CDKAL1: variants seen among roughly 807,000 people sequenced by gnomAD.
CDKAL1 encodes threonylcarbamoyladenosine tRNA methylthiotransferase.
A neutral mutation model predicts 68.2 loss-of-function variants in CDKAL1; 32 were observed. The ratio of observed to expected loss-of-function variants is 0.47; its 90% CI spans 0.35 to 0.63. The LOEUF (loss-of-function observed/expected upper bound fraction) is 0.63, where lower values mean the gene tolerates loss of function less well. CDKAL1 is among the 30% of genes least tolerant of loss of function. The pLI is 0.00. For synonymous variants in CDKAL1, 234 were observed against 244.3 expected, an observed-to-expected ratio of 0.96 and a Z score of 0.39; for missense variants, 606 against 696.7, an observed-to-expected ratio of 0.87 and a Z score of 1.47.
chr6:20,786,534 G>A (rs1581579539), intron 8 of CDKAL1, among the ~76,000 whole-genome samples: 1 of 113,662 alleles, frequency 8.8e-6, no homozygotes, highest in East Asian at 2.7e-4. Flanking sequence ...GTCTCGCTCT[G>A]TCACCCAGGC....
chr6:21,019,952 C>G (rs1480201948), intron 11 of CDKAL1, among the ~76,000 whole-genome samples: 2 of 151,524 alleles, frequency 1.3e-5, no homozygotes, highest in Non-Finnish European at 2.9e-5. Context: ...CTTTGTTATC[C>G]AATAAGTATT....
chr6:21,151,899 G>A (rs541413865), intron 13 of CDKAL1, among the ~76,000 whole-genome samples: 109 of 152,110 alleles, frequency 7.2e-4, no homozygotes, highest in Middle Eastern at 6.8e-3. Flanking sequence ...TCTCCCTGGC[G>A]TGCGGCCTCC....
chr6:20,598,501 C>A (rs971925255), intron 4 of CDKAL1, among the ~76,000 whole-genome samples: 4 of 152,156 alleles, frequency 2.6e-5, no homozygotes, highest in Non-Finnish European at 4.4e-5. Flanking sequence ...ACATATCTGA[C>A]ACATCTTGCT....
chr6:20,977,570 T>C (rs945726259), intron 10 of CDKAL1, among the ~76,000 whole-genome samples: 8 of 152,174 alleles, frequency 5.3e-5, no homozygotes, highest in Non-Finnish European at 1.2e-4. Flanking sequence ...ATTCTATGAT[T>C]TTTAAAAAAT....
intron 12 of CDKAL1, among the ~76,000 whole-genome samples, chr6:21,098,624 A>G (rs1442217090): frequency 6.8e-6 from 1 of 147,222 alleles, no homozygotes; most frequent in Non-Finnish European, 1.5e-5. Context: ...TATCCAGATG[A>G]CCAAGACATG....
chr6:20,860,253 A>G lies in CDKAL1; in HGVS notation c.742+14075A>G, dbSNP rs12524318. Among the ~76,000 whole-genome samples the G allele has an allele frequency of 9.6e-3, 1,451 of 151,682 alleles. 34 individuals are homozygous for G. Among genetic ancestry groups the G allele is most frequent in the East Asian group, 0.093 (471 of 5,068 alleles). ...CCACCACGCCTGGCTAATTTTTTGTATTTTTAGTAGTGATGGGGTTTCACC... is the reference window on the plus strand; with the variant it reads ...CCACCACGCCTGGCTAATTTTTTGTGTTTTTAGTAGTGATGGGGTTTCACC... On this transcript the variant is annotated intron_variant, in intron 9 of 15. Transcript: ENST00000274695.
intron 8 of CDKAL1, among the ~76,000 whole-genome samples, chr6:20,819,158 AC>A (rs1777171368): frequency 6.6e-6 from 1 of 152,038 alleles, no homozygotes; most frequent in African/African-American, 2.4e-5. Flanking sequence ...CAATTGCAAA[AC>A]TTTGATTTAA....
intron 6 of CDKAL1, among the ~76,000 whole-genome samples, chr6:20,750,950 TGAAAAAAAA>T (rs1773891260): frequency 2.1e-5 from 1 of 46,682 alleles, no homozygotes; most frequent in East Asian, 7.7e-4. Flanking sequence ...AGCAACAGAG[TGAAAAAAAA>T]AAAAAAAAAA....
chr6:20,670,664 A>T (rs1019863983), intron 5 of CDKAL1, among the ~76,000 whole-genome samples: 1 of 152,174 alleles, frequency 6.6e-6, no homozygotes, highest in Non-Finnish European at 1.5e-5. Flanking sequence ...TCAATTATTT[A>T]TGTCAGTGTA....
intron 15 of CDKAL1, among the ~76,000 whole-genome samples, chr6:21,210,529 A>G (rs62404547): frequency 0.19 from 28,871 of 152,196 alleles, 2,922 homozygotes; most frequent in African/African-American, 0.22. Context: ...TAGATTTCCC[A>G]GCTTCTAAAA....
intron 9 of CDKAL1, among the ~76,000 whole-genome samples, chr6:20,848,872 A>C (rs1157591457): frequency 6.6e-6 from 1 of 150,870 alleles, no homozygotes; most frequent in Non-Finnish European, 1.5e-5. Context: ...AGCTTACTGC[A>C]GCTTCAAACT....
At chr6:20,660,123 C>T (rs1219255788) in intron 5 of CDKAL1, among the ~76,000 whole-genome samples, 1 of 152,262 alleles carries the variant, frequency 6.6e-6, no homozygotes. Context: ...GGGGTCATCG[C>T]CCTTCTAAGC....
At chr6:20,559,553 G>A (rs1764189452) in intron 4 of CDKAL1, 1 of 151,960 alleles carries the variant, frequency 6.6e-6, no homozygotes. Flanking sequence ...TCAACCTTTG[G>A]CCTGACCTTT....
intron 4 of CDKAL1, among the ~76,000 whole-genome samples, chr6:20,584,218 G>A (rs1425655891): frequency 6.6e-6 from 1 of 151,896 alleles, no homozygotes; most frequent in Admixed American, 6.6e-5. Flanking sequence ...TGTAAATAGG[G>A]GTCTGTGGTG....
chr6:20,607,611 C>CTATT (rs1254291896), intron 4 of CDKAL1, among the ~76,000 whole-genome samples: 3 of 151,558 alleles, frequency 2.0e-5, no homozygotes, highest in African/African-American at 4.8e-5. Flanking sequence ...GTCAGTTCCT[C>CTATT]TATTTATTTA....
chr6:20,581,676 G>A (rs954302109), intron 4 of CDKAL1, among the ~76,000 whole-genome samples: 1 of 152,122 alleles, frequency 6.6e-6, no homozygotes, highest in Non-Finnish European at 1.5e-5. Context: ...AGCAGTTTGA[G>A]ATTAACAGCC....
At chr6:20,633,374 T>C (rs1425527617) in intron 4 of CDKAL1, among the ~76,000 whole-genome samples, 2 of 152,254 alleles carry the variant, frequency 1.3e-5, no homozygotes, top group Non-Finnish European at 2.9e-5. Flanking sequence ...ACTTCATTTC[T>C]TTTGATTGCT....
At chr6:21,028,006 A>G (rs188602149) in intron 11 of CDKAL1, among the ~76,000 whole-genome samples, 3 of 152,296 alleles carry the variant, frequency 2.0e-5, no homozygotes, top group Admixed American at 6.5e-5. Context: ...AGGGTGGACT[A>G]AACACAGGAA....
chr6:21,006,923 G>T lies in CDKAL1; in HGVS notation c.1055+6551G>T, dbSNP rs1582013555. The stretch of plus-strand genomic sequence containing the variant: ...AAATCATCGTCTCTTAATCTCTTGT[G>T]CATTTTTCCTGCCTCAGTGGTATAT... On this transcript the variant is annotated intron_variant, in intron 11 of 15. Transcript: ENST00000274695. 2.0e-5 allele frequency among the ~76,000 whole-genome samples: 3 copies of T among 152,136 alleles called. No homozygotes were observed. The East Asian group carries it at 5.8e-4, about 29-fold the overall frequency.
Sources: allele counts gnomAD v4.1 joint callset (sites outside exome capture counted in the v4.1 genomes callset), GRCh38; gene constraint gnomAD v4.1.1; transcripts MANE v1.5; gene names NCBI Gene and HGNC (gene_info 2026-07-23, HGNC 2026-07-21).